The following ABCA5 variants were observed in gnomAD, a reference collection of about 807,000 sequenced individuals.
ABCA5 encodes cholesterol transporter ABCA5.
Under a neutral mutation model 206.0 loss-of-function variants are expected in ABCA5, and 163 were observed. That is an observed-to-expected ratio of 0.79 (90% CI 0.70 to 0.90). The LOEUF (loss-of-function observed/expected upper bound fraction) is 0.90, where lower values mean the gene tolerates loss of function less well. Ranked by LOEUF, ABCA5 falls within the 40% of genes least tolerant of loss-of-function variation. The pLI, the probability that ABCA5 is intolerant of heterozygous loss-of-function variation, is 0.00. For synonymous variants in ABCA5, 609 were observed against 613.8 expected (o/e 0.99, Z 0.11); for missense variants, 1,859 against 1,912.9 (o/e 0.97, Z 0.53).
Position 69,302,701 on chromosome 17 carries a change from A to G in ABCA5, c.1119+17T>C, listed in dbSNP as rs748289841. The G allele has an allele frequency of 5.9e-5, 85 of 1,449,730 alleles. No homozygotes were observed. Among genetic ancestry groups the G allele is most frequent in the Non-Finnish European group, 7.5e-5 (83 of 1,099,374 alleles). 89.8% of individuals were successfully genotyped at this position (1,449,730 alleles called of 1,614,324 possible). On this transcript the variant is annotated intron_variant, in intron 8 of 38. Transcript: ENST00000392676. ...AAAGAAAATATTTAGTGAATGCAAG[A>G]TTAATATATTACCTACCTGTGCAAT...
intron 1 of ABCA5, among the ~76,000 whole-genome samples, chr17:69,315,997 A>G (rs1430420498): frequency 6.6e-6 from 1 of 152,150 alleles, no homozygotes; most frequent in Non-Finnish European, 1.5e-5. Context: ...ATTTTAGAAC[A>G]CAAAAACACA....
In ABCA5 at chr17:69,250,530, C is replaced by G; in HGVS notation, c.4627G>C (p.Val1543Leu). 6.2e-7 allele frequency: 1 copy of G among 1,603,334 alleles called. No homozygotes were observed. ...KLKDWIENLE[V>L]DRLQREIQYI... ...TGAATTTCTCTTTGAAGGCGGTCTA[C>G]TTCTAGGTTTTCTATCCAGTCCTTC... Residue 1543 changes from valine (V) to leucine (L), a missense_variant, in exon 36 of 39, where the codon GTA (valine) becomes CTA (leucine). Val to Leu is a conservative substitution (Grantham distance 32). Transcript: ENST00000392676.
intron 19 of ABCA5, among the ~76,000 whole-genome samples, chr17:69,276,385 A>C (rs817123): frequency 0.99 from 150,174 of 152,280 alleles, 74,081 homozygotes; most frequent in Middle Eastern, 1. Context: ...CCGAGCCCAG[A>C]TGGTATTTTA....
chr17:69,260,213 C>T (rs2075131524), intron 27 of ABCA5, 125 bp downstream of exon 27: 5 of 653,156 alleles, frequency 7.7e-6, no homozygotes. Context: ...CGTTAACTAA[C>T]ATGCTTAACT....
At position 69,253,811 on chromosome 17, in the gene ABCA5, C is replaced by A; in HGVS notation, c.4303G>T (p.Ala1435Ser). ...HLQKTVKKLP[A>S]GIKRKLCFAL... ...GAAAGTACCTTTCGTTTGATTCCTGCAGGTAGTTTCTTTACAGTCTTCTGA... is the reference window on the plus strand; with the variant it reads ...GAAAGTACCTTTCGTTTGATTCCTGAAGGTAGTTTCTTTACAGTCTTCTGA... Residue 1435 changes from alanine to serine, a missense_variant, in exon 33 of 39, where the codon GCA (alanine) becomes TCA (serine). By Grantham distance (99) the Ala-to-Ser change is moderately conservative (BLOSUM62 1). Transcript: ENST00000392676. 1 of 1,612,740 alleles carries A rather than the reference C, an allele frequency of 6.2e-7. No homozygotes were observed.
intron 3 of ABCA5, among the ~76,000 whole-genome samples, chr17:69,312,027 T>A (rs1270257434): frequency 6.6e-6 from 1 of 152,186 alleles, no homozygotes; most frequent in Non-Finnish European, 1.5e-5. Flanking sequence ...TCTGACTGTA[T>A]AATTAACACT....
At position 69,302,811 on chromosome 17, in the gene ABCA5, G is replaced by C; in HGVS notation, c.1026C>G (p.Gly342=). The change falls in exon 8 of 39, where the codon GGC becomes GGG. Residue 342 remains glycine, a synonymous_variant. Coordinates refer to ENST00000392676, the MANE Select transcript of ABCA5 (RefSeq NM_172232.4). ...AACTTTCTATGAGGATTATCATAAG[G>C]CCAATAAATCCAAAAGCCACAGTAA... is the stretch of plus-strand genomic sequence containing the variant. The part of the protein sequence containing the change: ...FFVTVAFGFI[G]LMIILIESFP... 1 of 1,598,384 alleles carries C rather than the reference G, an allele frequency of 6.3e-7. No homozygotes were observed. Among genetic ancestry groups the C allele is most frequent in the Non-Finnish European group, 8.5e-7 (1 of 1,175,088 alleles).
intron 35 of ABCA5, 80 bp from the exon 36 acceptor site, chr17:69,250,701 T>G (rs2075002346): frequency 4.7e-6 from 5 of 1,055,332 alleles, no homozygotes; most frequent in Middle Eastern, 6.5e-4. Flanking sequence ...TAACTACATT[T>G]TAAAAAAATA....
At chr17:69,299,465 C>T (rs904912171) in intron 9 of ABCA5, among the ~76,000 whole-genome samples, 85 of 128,340 alleles carry the variant, frequency 6.6e-4, no homozygotes, top group African/African-American at 2.3e-3. Flanking sequence ...TACACACACA[C>T]ACACATACAC....
intron 28 of ABCA5, among the ~76,000 whole-genome samples, chr17:69,257,828 A>T (rs12941527): frequency 6.6e-6 from 1 of 152,118 alleles, no homozygotes; most frequent in Admixed American, 6.6e-5. Flanking sequence ...AAATTGAGCA[A>T]TATTCCAAGT....
chr17:69,308,845 T>G (rs1443663174), intron 4 of ABCA5, among the ~76,000 whole-genome samples: 4 of 152,134 alleles, frequency 2.6e-5, no homozygotes, highest in African/African-American at 9.6e-5. Flanking sequence ...TATTTCTTCA[T>G]AGATTTAAAC....
chr17:69,307,864 A>G (rs1047824587), intron 5 of ABCA5, among the ~76,000 whole-genome samples: 1 of 152,164 alleles, frequency 6.6e-6, no homozygotes, highest in Non-Finnish European at 1.5e-5. Context: ...GTTGATATAC[A>G]TTTTGAAATT....
Position 69,306,803 on chromosome 17 carries a change from G to T in ABCA5, c.710C>A (p.Ala237Glu), listed in dbSNP as rs775425255. 6.3e-6 allele frequency: 10 copies of T among 1,586,480 alleles called. 1 individual carries two copies. The South Asian group carries it at 9.3e-5, about 15-fold the overall frequency. Residue 237 changes from alanine (A) to glutamate (E), a missense_variant, in exon 6 of 39, where the codon GCA (alanine) becomes GAA (glutamate). Ala to Glu is a moderately radical substitution (Grantham distance 107). Transcript: ENST00000392676. ...IAFSPFGYFL[A>E]IHIVAEKEKK... ...TTCTTTTTCTGCTACGATATGAATT[G>T]CCAAAAAGTATCCAAAAGGTGAAAA...
At position 69,326,265 on chromosome 17, in the gene ABCA5, T is replaced by C. The variant is rs2075896273; in HGVS notation, c.-16+787A>G. Among the ~76,000 whole-genome samples the C allele has an allele frequency of 6.6e-6, 1 of 152,354 alleles. No homozygotes were observed. The highest frequency in any genetic ancestry group is 2.1e-4 in the South Asian group (1 of 4,828). ...GAAAAGAGCTAATACCGAGCCTGGC[T>C]TAAAGCTGTAGTCCAGCAAATACTC... On this transcript the variant is annotated intron_variant, in intron 1 of 38. Transcript: ENST00000392676. This position sits in a 1 kb window ranked among gnomAD's most constrained non-coding sequence, Gnocchi z 4.8.
At chr17:69,250,015 T>G (rs757810355) in intron 36 of ABCA5, 31 bp from the exon 37 acceptor site, 1 of 1,363,538 alleles carries the variant, frequency 7.3e-7, no homozygotes, top group Admixed American at 2.5e-5. Flanking sequence ...TGGAAAAAAA[T>G]TAAAAATTAC....
At chr17:69,260,204 G>A (rs1240366297) in intron 27 of ABCA5, 134 bp downstream of exon 27, 17 of 606,530 alleles carry the variant, frequency 2.8e-5, no homozygotes, top group South Asian at 2.7e-5. Flanking sequence ...ATTAGCTAGC[G>A]TTAACTAACA....
rs1285190031 is a variant in ABCA5 at position 69,248,198 on chromosome 17, A to C, written c.4821+64T>G. On this transcript the variant is annotated intron_variant, in intron 38 of 38. Coordinates refer to ENST00000392676, the MANE Select transcript of ABCA5 (RefSeq NM_172232.4). ...TATCTCTCCCTCTCTAATATAAACC[A>C]AAACAATCGATATCAGATACTTTCT... 13 of 1,012,786 alleles carry C rather than the reference A, an allele frequency of 1.3e-5. No homozygotes were observed. In the Admixed American group the frequency reaches 2.8e-4, roughly 22 times the overall value. 62.7% of individuals were successfully genotyped at this position (1,012,786 alleles called of 1,614,324 possible).
chr17:69,257,365 A>AG (rs2144903987), intron 28 of ABCA5, among the ~76,000 whole-genome samples: 1 of 152,116 alleles, frequency 6.6e-6, no homozygotes, highest in South Asian at 2.1e-4. Context: ...AAAAAAAAAA[A>AG]AAAAAGAAAA....
intron 18 of ABCA5, among the ~76,000 whole-genome samples, chr17:69,282,161 C>A (rs1300189557): frequency 6.6e-6 from 1 of 152,146 alleles, no homozygotes; most frequent in African/African-American, 2.4e-5. Context: ...TTTTTGTCCT[C>A]ATCTTATTCT....
Sources: allele counts gnomAD v4.1 joint callset (sites outside exome capture counted in the v4.1 genomes callset), GRCh38; gene constraint gnomAD v4.1.1; non-coding constraint Gnocchi (gnomAD v3.1); transcripts MANE v1.5; gene names NCBI Gene and HGNC (gene_info 2026-07-23, HGNC 2026-07-21).